The following PTPRQ variants were observed in gnomAD, a reference collection of about 807,000 sequenced individuals.
PTPRQ encodes the protein protein tyrosine phosphatase receptor type Q.
Under a neutral mutation model 246.0 loss-of-function variants are expected in PTPRQ, and 199 were observed. That is an observed-to-expected ratio of 0.81 (90% CI 0.72 to 0.91). The LOEUF (loss-of-function observed/expected upper bound fraction) is 0.91, where lower values mean the gene tolerates loss of function less well. PTPRQ is among the 40% of genes least tolerant of loss of function. The pLI is 0.00. For missense variants in PTPRQ, 2,624 were observed against 2,528.4 expected (o/e 1.04, Z -0.81); for synonymous variants, 869 against 853.2 (o/e 1.02, Z -0.32).
chr12:80,497,994 A>G (rs947868956), intron 14 of PTPRQ, among the ~76,000 whole-genome samples: 7 of 152,074 alleles, frequency 4.6e-5, no homozygotes, highest in African/African-American at 1.4e-4. Context: ...CACAGAAATG[A>G]ATACAATGAG....
intron 14 of PTPRQ, among the ~76,000 whole-genome samples, chr12:80,500,276 C>T (rs1344508004): frequency 6.6e-6 from 1 of 151,944 alleles, no homozygotes; most frequent in Admixed American, 6.6e-5. Context: ...CATCAGTTAT[C>T]TACTTTATAA....
chr12:80,525,947 A>G (rs2120775683), intron 17 of PTPRQ: 1 of 152,224 alleles, frequency 6.6e-6, no homozygotes, highest in East Asian at 1.9e-4. Context: ...TAGTGTAGTG[A>G]CTGTACTTTA....
chr12:80,454,671 C>T (rs1892911894), intron 3 of PTPRQ: 2 of 607,408 alleles, frequency 3.3e-6, no homozygotes, highest in Admixed American at 2.7e-5. Context: ...GGGTTTTTAT[C>T]ATGAAGGGAT....
At chr12:80,487,206 C>T (rs1894305322) in intron 9 of PTPRQ, among the ~76,000 whole-genome samples, 1 of 152,038 alleles carries the variant, frequency 6.6e-6, no homozygotes, top group South Asian at 2.1e-4. Flanking sequence ...CTCATTACAT[C>T]TAAATAAATT....
chr12:80,542,197 A>C lies in PTPRQ; in HGVS notation c.3554A>C (p.Asp1185Ala), dbSNP rs1410800167. Reference sequence around the variant, plus strand: ...CCAAATGGTGCAATAATAAGTTATGATTTAACTTTACAAGGACCAAATGAA... The same window carrying C: ...CCAAATGGTGCAATAATAAGTTATGCTTTAACTTTACAAGGACCAAATGAA... Reference protein sequence around the residue: ...VKPNGAIISYDLTLQGPNENY... With the variant: ...VKPNGAIISYALTLQGPNENY... Residue 1185 changes from aspartate (D) to alanine (A), a missense_variant, in exon 22 of 45, where the codon GAT becomes GCT. Asp to Ala is a moderately radical substitution (Grantham distance 126). Coordinates refer to ENST00000644991, the MANE Select transcript of PTPRQ (RefSeq NM_001145026.2). 20 of 1,551,020 alleles carry C rather than the reference A, an allele frequency of 1.3e-5. No homozygotes were observed. The highest frequency in any genetic ancestry group is 1.7e-4 in the Middle Eastern group (1 of 6,006).
At chr12:80,507,684 C>T (rs1895004651) in intron 16 of PTPRQ, among the ~76,000 whole-genome samples, 1 of 151,974 alleles carries the variant, frequency 6.6e-6, no homozygotes, top group Non-Finnish European at 1.5e-5. Context: ...AGTGGGCTGC[C>T]TCTGTGGGTC....
chr12:80,630,933 C>T (rs908247490), intron 33 of PTPRQ, among the ~76,000 whole-genome samples: 1 of 152,052 alleles, frequency 6.6e-6, no homozygotes, highest in African/African-American at 2.4e-5. Context: ...GCCAGGTTGT[C>T]TCGAACTCCT....
intron 25 of PTPRQ, among the ~76,000 whole-genome samples, chr12:80,560,143 A>T (rs773870468): frequency 6.6e-6 from 1 of 152,202 alleles, no homozygotes; most frequent in Non-Finnish European, 1.5e-5. Flanking sequence ...GCCTGGCCAC[A>T]TGCTTACCTA....
chr12:80,571,974 T>G (rs575097349), intron 25 of PTPRQ, among the ~76,000 whole-genome samples: 1 of 152,204 alleles, frequency 6.6e-6, no homozygotes, highest in African/African-American at 2.4e-5. Flanking sequence ...AATGTGTTCT[T>G]TTTTCAAAAT....
At chr12:80,655,563 T>TTCTCTCTGTCTCTCTCTCTC (rs1373567495) in intron 38 of PTPRQ, among the ~76,000 whole-genome samples, 1 of 150,872 alleles carries the variant, frequency 6.6e-6, no homozygotes. Context: ...ATACCCCCGG[T>TTCTCTCTGTCTCTCTCTCTC]TCTCTCTGTC....
At chr12:80,479,956 C>T (rs1305884478) in intron 8 of PTPRQ, among the ~76,000 whole-genome samples, 2 of 151,766 alleles carry the variant, frequency 1.3e-5, no homozygotes, top group Non-Finnish European at 2.9e-5. Context: ...CAACATTAGA[C>T]AGATCAACAA....
At chr12:80,448,680 T>C (rs10047566) in intron 3 of PTPRQ, among the ~76,000 whole-genome samples, 131,177 of 147,426 alleles carry the variant, frequency 0.89, 58,745 homozygotes, top group Non-Finnish European at 0.92. Context: ...CAATTTCATC[T>C]ATGTCCCTAC....
intron 33 of PTPRQ, among the ~76,000 whole-genome samples, chr12:80,624,300 T>A (rs536447758): frequency 2.0e-5 from 3 of 152,258 alleles, no homozygotes; most frequent in Admixed American, 2.0e-4. Context: ...GTCCTATGTG[T>A]CTATGATCAA....
At chr12:80,663,196 A>G (rs1900685196) in intron 39 of PTPRQ, among the ~76,000 whole-genome samples, 2 of 151,958 alleles carry the variant, frequency 1.3e-5, no homozygotes, top group Admixed American at 6.6e-5. Flanking sequence ...TGGAAAACTG[A>G]GATCATATAA....
At position 80,541,633 on chromosome 12, in the gene PTPRQ, C is replaced by T. The variant is rs1896156068; in HGVS notation, c.3233C>T (p.Ala1078Val). ...ATAAATGTAAGCTGGGTCCCACCGGCTCAACCAAACGGTCTAGTCTTCTAC... is the reference window on the plus strand; with the variant it reads ...ATAAATGTAAGCTGGGTCCCACCGGTTCAACCAAACGGTCTAGTCTTCTAC... ...TAINVSWVPP[A>V]QPNGLVFYYV... The change falls in exon 21 of 45, where the codon GCT becomes GTT. Residue 1078 changes from alanine (A) to valine (V), a missense_variant. By Grantham distance (64) the Ala-to-Val change is moderately conservative (BLOSUM62 0). Coordinates refer to ENST00000644991, the MANE Select transcript of PTPRQ (RefSeq NM_001145026.2). 1 of 1,548,734 alleles carries T rather than the reference C, an allele frequency of 6.5e-7. No homozygotes were observed. Among genetic ancestry groups the T allele is most frequent in the Non-Finnish European group, 8.7e-7 (1 of 1,145,580 alleles).
At chr12:80,629,495 G>A (rs1899340293) in intron 33 of PTPRQ, among the ~76,000 whole-genome samples, 1 of 152,124 alleles carries the variant, frequency 6.6e-6, no homozygotes, top group African/African-American at 2.4e-5. Flanking sequence ...AAAGCCATGT[G>A]TCAACAATGG....
chr12:80,557,660 A>G (rs992226458), intron 25 of PTPRQ, among the ~76,000 whole-genome samples: 5 of 152,166 alleles, frequency 3.3e-5, no homozygotes, highest in African/African-American at 1.2e-4. Context: ...CATTTTAAAG[A>G]TAGTTGTAGA....
chr12:80,646,014 C>T (rs796687220), intron 35 of PTPRQ, among the ~76,000 whole-genome samples: 47 of 152,004 alleles, frequency 3.1e-4, no homozygotes, highest in Non-Finnish European at 2.2e-4. Context: ...GCTAGATATT[C>T]GTGACTACTA....
chr12:80,665,416 C>A (rs938076559), intron 39 of PTPRQ, among the ~76,000 whole-genome samples: 1 of 151,966 alleles, frequency 6.6e-6, no homozygotes, highest in African/African-American at 2.4e-5. Context: ...AAATTTATGT[C>A]TCTAGTTTGG....
Sources: gnomAD v4.1 joint callset for allele counts (sites outside exome capture counted in the v4.1 genomes callset) on GRCh38, gnomAD v4.1.1 for gene constraint, MANE v1.5 for transcripts, NCBI Gene and HGNC (gene_info 2026-07-23, HGNC 2026-07-21) for gene names.